Variants in SMAP1 observed in about 807,000 individuals in gnomAD.
SMAP1 encodes stromal membrane-associated protein 1.
In SMAP1, 24 loss-of-function variants were observed where a neutral mutation model predicts 58.5. The observed-to-expected ratio is 0.41, with a 90% CI of 0.30 to 0.58. SMAP1 has a LOEUF of 0.58. Ranked by LOEUF, SMAP1 falls within the 20% of genes least tolerant of loss-of-function variation. The pLI is 0.29. For synonymous variants in SMAP1, 216 were observed against 196.6 expected (o/e 1.10, Z -0.82); for missense variants, 563 against 566.3 (o/e 0.99, Z 0.06).
chr6:70,766,361 A>C (rs1766986113), intron 3 of SMAP1, among the ~76,000 whole-genome samples: 1 of 152,194 alleles, frequency 6.6e-6, no homozygotes, highest in Non-Finnish European at 1.5e-5. Flanking sequence ...CATTCCCACC[A>C]ACAGTGTAAA....
intron 1 of SMAP1, among the ~76,000 whole-genome samples, chr6:70,680,818 A>G (rs915963899): frequency 6.9e-6 from 1 of 144,742 alleles, no homozygotes; most frequent in African/African-American, 2.6e-5. Context: ...TCCCGGGTTC[A>G]AGTGATTTTC....
intron 6 of SMAP1, among the ~76,000 whole-genome samples, chr6:70,813,736 T>C (rs1229592792): frequency 6.6e-6 from 1 of 152,066 alleles, no homozygotes; most frequent in Non-Finnish European, 1.5e-5. Context: ...AAAAAATATT[T>C]TAAATGCACA....
chr6:70,697,077 G>A (rs1205864213), intron 1 of SMAP1, among the ~76,000 whole-genome samples: 2 of 152,016 alleles, frequency 1.3e-5, no homozygotes, highest in South Asian at 2.1e-4. Context: ...TTTGCATGCA[G>A]TATCTTCTTC....
At chr6:70,681,263 GAAAAT>G in intron 1 of SMAP1, among the ~76,000 whole-genome samples, 1 of 151,810 alleles carries the variant, frequency 6.6e-6, no homozygotes, top group East Asian at 2.0e-4. Flanking sequence ...TACAAAAAGT[GAAAAT>G]AAAATTAAAA....
At chr6:70,789,592 C>CTT (rs200041762) in intron 4 of SMAP1, among the ~76,000 whole-genome samples, 29 of 135,664 alleles carry the variant, frequency 2.1e-4, no homozygotes, top group East Asian at 6.4e-4. Context: ...TTTCTTTTTT[C>CTT]TTTTTTTTTT....
At chr6:70,790,345 G>T (rs771863348) in intron 4 of SMAP1, among the ~76,000 whole-genome samples, 18 of 151,932 alleles carry the variant, frequency 1.2e-4, no homozygotes, top group South Asian at 8.3e-4. Flanking sequence ...CCCCATGTTG[G>T]CCAGGCTGGT....
At chr6:70,837,797 G>A (rs531022917) in intron 7 of SMAP1, 1 of 1,237,906 alleles carries the variant, frequency 8.1e-7, no homozygotes, top group Non-Finnish European at 1.0e-6. Context: ...GAAAGATTGA[G>A]AAGGAAAAGA....
intron 6 of SMAP1, among the ~76,000 whole-genome samples, chr6:70,821,700 A>G (rs2149982191): frequency 6.6e-6 from 1 of 152,330 alleles, no homozygotes; most frequent in Non-Finnish European, 1.5e-5. Flanking sequence ...ACAGAAAGCA[A>G]TAGCAAGATG....
At chr6:70,708,741 G>A (rs1483108395) in intron 1 of SMAP1, among the ~76,000 whole-genome samples, 2 of 152,134 alleles carry the variant, frequency 1.3e-5, no homozygotes, top group Non-Finnish European at 2.9e-5. Flanking sequence ...TCTGATATAT[G>A]TATTGGCTAT....
At chr6:70,680,712 G>GTTTTTTTTTT (rs34867967) in intron 1 of SMAP1, among the ~76,000 whole-genome samples, 5 of 78,998 alleles carry the variant, frequency 6.3e-5, no homozygotes, top group Non-Finnish European at 6.7e-5. Context: ...TGGATTTCCT[G>GTTTTTTTTTT]TTTTTTTTTT....
intron 3 of SMAP1, among the ~76,000 whole-genome samples, chr6:70,766,080 A>AT (rs1424456403): frequency 1.3e-5 from 2 of 152,186 alleles, no homozygotes; most frequent in East Asian, 3.9e-4. Flanking sequence ...TGAACTCATC[A>AT]TTTTTTATGG....
chr6:70,830,342 A>G (rs375327767), intron 6 of SMAP1, among the ~76,000 whole-genome samples: 32 of 152,338 alleles, frequency 2.1e-4, no homozygotes, highest in African/African-American at 6.3e-4. Context: ...TCATCAAGGT[A>G]TTAATTTACT....
intron 1 of SMAP1, among the ~76,000 whole-genome samples, chr6:70,728,022 C>T (rs1189385350): frequency 1.3e-5 from 2 of 152,096 alleles, no homozygotes; most frequent in Non-Finnish European, 1.5e-5. Context: ...AAGATCTTCA[C>T]CACTGCACTC....
In SMAP1 at chr6:70,837,037, T is replaced by TA; in HGVS notation, c.664+15dup. On this transcript the variant is annotated intron_variant, in intron 7 of 10. Transcript: ENST00000370455. ...GGATCTTTTAGGACTTGGTAAGTAA[T>TA]AAAAAATAAAAGTCACTGCTGGAGT... 1 of 1,553,676 alleles carries TA rather than the reference T, an allele frequency of 6.4e-7. No homozygotes were observed. Among genetic ancestry groups the TA allele is most frequent in the Non-Finnish European group, 8.7e-7 (1 of 1,151,598 alleles).
intron 4 of SMAP1, among the ~76,000 whole-genome samples, chr6:70,783,378 T>A (rs1040533367): frequency 6.6e-6 from 1 of 151,974 alleles, no homozygotes; most frequent in African/African-American, 2.4e-5. Context: ...AACTGGAAAC[T>A]CTAAAAAGCA....
chr6:70,668,221 C>G lies in SMAP1; in HGVS notation c.118+80C>G, dbSNP rs1020136417. Reference sequence around the variant, plus strand: ...TCCCGCCGCTGCGGCGCTCGGGGCCCGAGCGGACGCCTCGGCTTCGCTGGC... The same window carrying G: ...TCCCGCCGCTGCGGCGCTCGGGGCCGGAGCGGACGCCTCGGCTTCGCTGGC... On this transcript the variant is annotated intron_variant, in intron 1 of 10. Transcript: ENST00000370455. 72 of 1,290,778 alleles carry G rather than the reference C, an allele frequency of 5.6e-5. No homozygotes were observed. The Middle Eastern group carries it at 7.5e-4, about 13-fold the overall frequency. 80.0% of individuals were successfully genotyped at this position (1,290,778 alleles called of 1,614,324 possible).
In SMAP1 at chr6:70,787,286, A is replaced by T. The variant is rs910754327; in HGVS notation, c.415-4403A>T. Among the ~76,000 whole-genome samples, 19 of 152,228 alleles carry T rather than the reference A, an allele frequency of 1.2e-4. 1 individual carries two copies. The highest frequency in any genetic ancestry group is 1.2e-3 in the Admixed American group (19 of 15,284). On this transcript the variant is annotated intron_variant, in intron 4 of 10. Coordinates refer to ENST00000370455, the MANE Select transcript of SMAP1 (RefSeq NM_001044305.3). ...ACTGGATCCCTTCCTTACACCTTAT[A>T]CAAAAATTAATTCAAGATGGATTAA... is the stretch of plus-strand genomic sequence containing the variant.
chr6:70,694,115 G>C, intron 1 of SMAP1: 1 of 309,980 alleles, frequency 3.2e-6, no homozygotes, highest in South Asian at 3.3e-5. Flanking sequence ...AAGTTACTTT[G>C]TGGTGGATTT....
chr6:70,718,144 C>G (rs1001902864), intron 1 of SMAP1, among the ~76,000 whole-genome samples: 1 of 151,984 alleles, frequency 6.6e-6, no homozygotes, highest in African/African-American at 2.4e-5. Context: ...ACCAGGCATG[C>G]ACACATGTGT....
Sources: allele counts gnomAD v4.1 joint callset (sites outside exome capture counted in the v4.1 genomes callset), GRCh38; gene constraint gnomAD v4.1.1; transcripts MANE v1.5; gene names NCBI Gene and HGNC (gene_info 2026-07-23, HGNC 2026-07-21).